NXPH1: variants seen among roughly 807,000 people sequenced by gnomAD.
NXPH1 encodes neurexophilin-1.
In NXPH1, 5 loss-of-function variants were observed where a neutral mutation model predicts 23.7. The ratio of observed to expected loss-of-function variants is 0.21; its 90% CI spans 0.11 to 0.44. NXPH1 has a LOEUF of 0.44. NXPH1 is among the 20% of genes least tolerant of loss of function. The pLI is 0.99. For synonymous variants in NXPH1, 144 were observed against 122.2 expected, an observed-to-expected ratio of 1.18 and a Z score of -1.18; for missense variants, 324 against 321.6, an observed-to-expected ratio of 1.01 and a Z score of -0.06.
intron 2 of NXPH1, among the ~76,000 whole-genome samples, chr7:8,750,762 G>C (rs1780549629): frequency 6.6e-6 from 1 of 151,908 alleles, no homozygotes; most frequent in Admixed American, 6.6e-5. Context: ...AATATAAGTG[G>C]TGTTTTATCA....
At chr7:8,470,176 G>A (rs953270823) in intron 2 of NXPH1, among the ~76,000 whole-genome samples, 3 of 152,052 alleles carry the variant, frequency 2.0e-5, no homozygotes, top group African/African-American at 7.2e-5. Flanking sequence ...AACATGTCAG[G>A]CTTACAAAGA....
chr7:8,699,717 C>T (rs963666556), intron 2 of NXPH1, among the ~76,000 whole-genome samples: 2 of 151,968 alleles, frequency 1.3e-5, no homozygotes, highest in Non-Finnish European at 2.9e-5. Context: ...ATCTGTCTTC[C>T]GTTTGGGCCA....
rs1228141211 is a variant in NXPH1, at chr7:8,721,910, A to T, written c.55-29098A>T. Among the ~76,000 whole-genome samples the T allele has an allele frequency of 9.2e-5, 14 of 152,360 alleles. No individual in the cohort carries two copies. In the East Asian group the frequency reaches 2.7e-3, roughly 29 times the overall value. ...AAAGGAAATTAATGATACACTTAGAATATGCTATTTAATTTCACCACCCCC... is the reference window on the plus strand; with the variant it reads ...AAAGGAAATTAATGATACACTTAGATTATGCTATTTAATTTCACCACCCCC... On this transcript the variant is annotated intron_variant, in intron 2 of 2. Coordinates refer to ENST00000405863, the MANE Select transcript of NXPH1 (RefSeq NM_152745.3).
chr7:8,731,596 G>A (rs560134631), intron 2 of NXPH1, among the ~76,000 whole-genome samples: 4 of 152,150 alleles, frequency 2.6e-5, no homozygotes, highest in South Asian at 2.1e-4. Context: ...TGGAGTACTC[G>A]GCTGTGTGAG....
intron 2 of NXPH1, among the ~76,000 whole-genome samples, chr7:8,669,021 G>T (rs1358891235): frequency 6.6e-6 from 1 of 152,134 alleles, no homozygotes; most frequent in Non-Finnish European, 1.5e-5. Flanking sequence ...CTGGAGACTA[G>T]TTCTATGAGG....
At chr7:8,630,266 T>G (rs1820100026) in intron 2 of NXPH1, among the ~76,000 whole-genome samples, 1 of 152,178 alleles carries the variant, frequency 6.6e-6, no homozygotes. Context: ...ATTAAATTAT[T>G]ATTGAATTTA....
chr7:8,708,695 A>T (rs1232591032), intron 2 of NXPH1, among the ~76,000 whole-genome samples: 3 of 149,700 alleles, frequency 2.0e-5, no homozygotes, highest in Non-Finnish European at 3.0e-5. Flanking sequence ...ACCCCATACA[A>T]TTTTTTTTTT....
chr7:8,682,611 A>G (rs1821074250), intron 2 of NXPH1, among the ~76,000 whole-genome samples: 1 of 152,214 alleles, frequency 6.6e-6, no homozygotes, highest in African/African-American at 2.4e-5. Flanking sequence ...GCATCAGTGG[A>G]ATCAACATAC....
chr7:8,521,669 T>G (rs1275642864), intron 2 of NXPH1, among the ~76,000 whole-genome samples: 1 of 152,294 alleles, frequency 6.6e-6, no homozygotes, highest in East Asian at 1.9e-4. Context: ...AATTGAGATA[T>G]AGGAGTTTTT....
intron 2 of NXPH1, among the ~76,000 whole-genome samples, chr7:8,559,163 G>T (rs1818403413): frequency 6.6e-6 from 1 of 151,570 alleles, no homozygotes; most frequent in African/African-American, 2.4e-5. Context: ...CCATTATGTT[G>T]CCCAGGCTGG....
chr7:8,556,995 G>C (rs553433038), intron 2 of NXPH1, among the ~76,000 whole-genome samples: 4 of 151,676 alleles, frequency 2.6e-5, no homozygotes, highest in African/African-American at 9.7e-5. Context: ...AAGAGGCAAA[G>C]GCAGGATATG....
intron 2 of NXPH1, among the ~76,000 whole-genome samples, chr7:8,593,072 C>A (rs1035505319): frequency 6.6e-6 from 1 of 151,888 alleles, no homozygotes; most frequent in Non-Finnish European, 1.5e-5. Context: ...TGCCTCACAG[C>A]ATTAACAATT....
chr7:8,627,335 G>A (rs548929439), intron 2 of NXPH1, among the ~76,000 whole-genome samples: 1 of 152,162 alleles, frequency 6.6e-6, no homozygotes, highest in South Asian at 2.1e-4. Context: ...ATATAGATAG[G>A]CAAGTCTATA....
chr7:8,479,614 T>C (rs1817037905), intron 2 of NXPH1, among the ~76,000 whole-genome samples: 1 of 152,140 alleles, frequency 6.6e-6, no homozygotes, highest in Non-Finnish European at 1.5e-5. Context: ...AAATAATATT[T>C]CTCATTAAAA....
At chr7:8,657,721 T>C (rs1309129939) in intron 2 of NXPH1, among the ~76,000 whole-genome samples, 2 of 152,132 alleles carry the variant, frequency 1.3e-5, no homozygotes, top group Non-Finnish European at 2.9e-5. Flanking sequence ...ACAAAATCAA[T>C]TGGAATATTA....
rs577409744 is a variant in NXPH1, at chr7:8,577,463, G to C, written c.54+141696G>C. Among the ~76,000 whole-genome samples the C allele has an allele frequency of 3.9e-5, 6 of 152,204 alleles. No individual in the cohort carries two copies. In the East Asian group the frequency reaches 1.2e-3, roughly 29 times the overall value. On this transcript the variant is annotated intron_variant, in intron 2 of 2. Coordinates refer to ENST00000405863, the MANE Select transcript of NXPH1 (RefSeq NM_152745.3). ...TTCATTACTTGCTTCAGTATTCCTTGTTTTTGTTTGTTTGTTTGTTTACTG... is the reference window on the plus strand; with the variant it reads ...TTCATTACTTGCTTCAGTATTCCTTCTTTTTGTTTGTTTGTTTGTTTACTG...
At chr7:8,618,424 T>A (rs894228227) in intron 2 of NXPH1, among the ~76,000 whole-genome samples, 1 of 152,184 alleles carries the variant, frequency 6.6e-6, no homozygotes, top group African/African-American at 2.4e-5. Context: ...TAAGAAAATC[T>A]TGGATGTTTA....
chr7:8,503,892 C>T (rs528668806), intron 2 of NXPH1, among the ~76,000 whole-genome samples: 135 of 152,112 alleles, frequency 8.9e-4, no homozygotes, highest in African/African-American at 3.1e-3. Context: ...CTTCCTTAGG[C>T]ACTGCTCTAT....
chr7:8,561,271 A>G (rs1214135745), intron 2 of NXPH1, among the ~76,000 whole-genome samples: 1 of 151,224 alleles, frequency 6.6e-6, no homozygotes, highest in African/African-American at 2.4e-5. Context: ...CTGCTGAGCT[A>G]GCTGTATAGC....
Sources: gnomAD v4.1 joint callset for allele counts (sites outside exome capture counted in the v4.1 genomes callset) on GRCh38, gnomAD v4.1.1 for gene constraint, MANE v1.5 for transcripts, NCBI Gene and HGNC (gene_info 2026-07-23, HGNC 2026-07-21) for gene names.